STAG1: variants seen among roughly 807,000 people sequenced by gnomAD.
The protein encoded by STAG1 is cohesin subunit SA-1.
Under a neutral mutation model 170.9 loss-of-function variants are expected in STAG1, and 26 were observed. That is an observed-to-expected ratio of 0.15 (90% confidence interval 0.11 to 0.21). STAG1 has a LOEUF of 0.21. STAG1 is among the 10% of genes least tolerant of loss of function. The probability of loss-of-function intolerance (pLI) is 1.00; values close to 1 mark genes in which losing one functional copy is unlikely to be tolerated. For missense variants in STAG1, 964 were observed against 1,509.5 expected, an observed-to-expected ratio of 0.64 and a Z score of 5.99; for synonymous variants, 514 against 497.7, an observed-to-expected ratio of 1.03 and a Z score of -0.44.
chr3:136,453,351 G>GGAGGCC (rs1361032441), intron 13 of STAG1, among the ~76,000 whole-genome samples: 1 of 152,046 alleles, frequency 6.6e-6, no homozygotes, highest in Admixed American at 6.6e-5. Context: ...CAGCTCTTTG[G>GGAGGCC]GAGGCCGAGG....
At chr3:136,743,024 T>G (rs1341978793) in intron 1 of STAG1, among the ~76,000 whole-genome samples, 1 of 152,176 alleles carries the variant, frequency 6.6e-6, no homozygotes, top group African/African-American at 2.4e-5. Context: ...ATTACCTCAG[T>G]TGGTTATTTG....
intron 1 of STAG1, among the ~76,000 whole-genome samples, chr3:136,699,405 T>C (rs1942983438): frequency 6.6e-6 from 1 of 152,186 alleles, no homozygotes. Flanking sequence ...CTTTTCTTTT[T>C]TTAAAGACAG....
intron 9 of STAG1, among the ~76,000 whole-genome samples, chr3:136,496,980 T>C (rs1237600991): frequency 4.6e-5 from 7 of 151,388 alleles, no homozygotes; most frequent in African/African-American, 1.7e-4. Context: ...ATGCTGATAG[T>C]TTTTTAATAC....
intron 22 of STAG1, among the ~76,000 whole-genome samples, chr3:136,398,411 C>A (rs2087229082): frequency 6.6e-6 from 1 of 152,146 alleles, no homozygotes; most frequent in Non-Finnish European, 1.5e-5. Context: ...AGCCACCGTG[C>A]ACGGCCTCAA....
intron 21 of STAG1, among the ~76,000 whole-genome samples, chr3:136,416,868 CAG>C (rs1559787970): frequency 1.5e-5 from 2 of 129,636 alleles, no homozygotes; most frequent in African/African-American, 3.0e-5. Context: ...TTTTTTGAGA[CAG>C]AGTCTCACTC....
intron 1 of STAG1, among the ~76,000 whole-genome samples, chr3:136,682,511 A>G (rs1391000928): frequency 6.6e-6 from 1 of 151,584 alleles, no homozygotes; most frequent in Non-Finnish European, 1.5e-5. Flanking sequence ...TGTCACACGA[A>G]AAAAACACTT....
At chr3:136,625,855 C>T (rs986015502) in intron 2 of STAG1, among the ~76,000 whole-genome samples, 1 of 152,226 alleles carries the variant, frequency 6.6e-6, no homozygotes, top group Non-Finnish European at 1.5e-5. Context: ...TATCATATTA[C>T]TCTAACTTAT....
At position 136,342,795 on chromosome 3, in the gene STAG1, C is replaced by T. The variant is rs151060288; in HGVS notation, c.3446+1037G>A. Among the ~76,000 whole-genome samples the T allele has an allele frequency of 1.2e-3, 181 of 152,306 alleles. 1 individual carries two copies. Among genetic ancestry groups the T allele is most frequent in the African/African-American group, 4.0e-3 (166 of 41,558 alleles). Reference sequence around the variant, plus strand: ...CAGGGAAAAGAAGGCAGACCATGGCCACAGGGAATGACAAATGGTAGGGTC... The same window carrying T: ...CAGGGAAAAGAAGGCAGACCATGGCTACAGGGAATGACAAATGGTAGGGTC... On this transcript the variant is annotated intron_variant, in intron 30 of 33. Coordinates refer to ENST00000383202, the MANE Select transcript of STAG1 (RefSeq NM_005862.3).
At chr3:136,502,537 A>C in intron 8 of STAG1, 91 bp downstream of exon 8, 1 of 1,364,004 alleles carries the variant, frequency 7.3e-7, no homozygotes. Flanking sequence ...TATACACATA[A>C]ACCTTTTTAC....
At chr3:136,678,369 C>T (rs1224638389) in intron 1 of STAG1, among the ~76,000 whole-genome samples, 3 of 151,092 alleles carry the variant, frequency 2.0e-5, no homozygotes, top group African/African-American at 4.9e-5. Flanking sequence ...ATGAAAAAAT[C>T]CATAAATATA....
intron 1 of STAG1, among the ~76,000 whole-genome samples, chr3:136,656,987 A>C (rs866091330): frequency 2.2e-4 from 33 of 151,554 alleles, no homozygotes; most frequent in African/African-American, 7.3e-4. Context: ...TGTATTATCC[A>C]CTCTGAACTA....
chr3:136,738,823 A>C (rs1934494253), intron 1 of STAG1, among the ~76,000 whole-genome samples: 1 of 152,154 alleles, frequency 6.6e-6, no homozygotes, highest in South Asian at 2.1e-4. Flanking sequence ...ATATGTGAAG[A>C]AAAGTATATA....
At chr3:136,367,159 G>C (rs1225325813) in intron 24 of STAG1, 77 bp from the exon 25 acceptor site, 1 of 1,190,532 alleles carries the variant, frequency 8.4e-7, no homozygotes, top group East Asian at 2.4e-5. Flanking sequence ...CTGTATAATT[G>C]AAAATTAGCT....
intron 23 of STAG1, among the ~76,000 whole-genome samples, chr3:136,376,302 G>A (rs1040161755): frequency 3.3e-5 from 5 of 152,078 alleles, no homozygotes; most frequent in African/African-American, 1.2e-4. Flanking sequence ...TTACACAAAT[G>A]TACTCCCCAA....
rs572715487 is a variant in STAG1 at position 136,473,520 on chromosome 3, T to C, written c.1125+19A>G. On this transcript the variant is annotated intron_variant, in intron 11 of 33. Transcript: ENST00000383202. ...TGTAAAGAGAAAAATTAAATAAGCT[T>C]ATCATTCTTGATGCTTACCTTGAAT... is the stretch of plus-strand genomic sequence containing the variant. The C allele has an allele frequency of 1.3e-6, 2 of 1,544,806 alleles. No homozygotes were observed. Among genetic ancestry groups the C allele is most frequent in the East Asian group, 4.5e-5 (2 of 44,290 alleles).
chr3:136,565,040 AGAAGGGAGGGAGGGAGGGAG>A (rs1423175399), intron 5 of STAG1, among the ~76,000 whole-genome samples: 2 of 41,370 alleles, frequency 4.8e-5, no homozygotes, highest in African/African-American at 2.6e-4. Flanking sequence ...GCAGGCAGGC[AGAAGGGAGGGAGGGAGGGAG>A]GGAGGGAGGG....
At chr3:136,523,906 G>T (rs1277838527) in intron 6 of STAG1, among the ~76,000 whole-genome samples, 1 of 151,978 alleles carries the variant, frequency 6.6e-6, no homozygotes, top group African/African-American at 2.4e-5. Flanking sequence ...GATAGTTGTA[G>T]ACGTGTGATA....
intron 4 of STAG1, among the ~76,000 whole-genome samples, chr3:136,602,176 C>T (rs1353249821): frequency 2.0e-5 from 3 of 151,544 alleles, no homozygotes; most frequent in Non-Finnish European, 4.4e-5. Flanking sequence ...GTCAGGAGAT[C>T]GAGACCGTCC....
chr3:136,739,527 A>G (rs1237306632), intron 1 of STAG1, among the ~76,000 whole-genome samples: 2 of 150,748 alleles, frequency 1.3e-5, no homozygotes, highest in Non-Finnish European at 3.0e-5. Flanking sequence ...AAAGAAAAAA[A>G]AAAAAAGAAA....
Sources: allele counts gnomAD v4.1 joint callset (sites outside exome capture counted in the v4.1 genomes callset), GRCh38; gene constraint gnomAD v4.1.1; transcripts MANE v1.5; gene names NCBI Gene and HGNC (gene_info 2026-07-23, HGNC 2026-07-21).